The following MTUS1 variants were observed in gnomAD, a reference collection of about 807,000 sequenced individuals.
MTUS1 encodes microtubule associated scaffold protein 1.
Under a neutral mutation model 120.8 loss-of-function variants are expected in MTUS1, and 109 were observed. The observed-to-expected ratio is 0.90, with a 90% CI of 0.77 to 1.06. The LOEUF (loss-of-function observed/expected upper bound fraction) is 1.06. Among genes scored for constraint, MTUS1 ranks in the 50% least tolerant of loss-of-function variants. The probability of loss-of-function intolerance (pLI) is 0.00; values close to 1 mark genes in which losing one functional copy is unlikely to be tolerated. For missense variants in MTUS1, 2,210 were observed against 1,486.3 expected (o/e 1.49, Z -8.01); for synonymous variants, 737 against 550.5 (o/e 1.34, Z -4.74).
At chr8:17,675,359 G>T in intron 7 of MTUS1, 107 bp from the exon 8 acceptor site, 1 of 865,238 alleles carries the variant, frequency 1.2e-6, no homozygotes. Flanking sequence ...GGGAAGCCAA[G>T]ATATGAATCA....
intron 1 of MTUS1, 101 bp from the exon 2 acceptor site, chr8:17,756,062 T>A: frequency 1.7e-6 from 1 of 586,568 alleles, no homozygotes; most frequent in Non-Finnish European, 2.6e-6. Context: ...CACTTTATGT[T>A]CACATTTAGA....
intron 14 of MTUS1, 27 bp downstream of exon 14, chr8:17,646,955 G>C (rs1805927841): frequency 6.4e-7 from 1 of 1,569,862 alleles, no homozygotes; most frequent in Admixed American, 1.7e-5. Flanking sequence ...GGGGAGCTCG[G>C]GAGAAACAGC....
intron 8 of MTUS1, among the ~76,000 whole-genome samples, chr8:17,664,813 T>C (rs1810545535): frequency 6.6e-6 from 1 of 152,186 alleles, no homozygotes; most frequent in South Asian, 2.1e-4. Context: ...AGCCAAGGTC[T>C]GATCTGGTTT....
intron 1 of MTUS1, among the ~76,000 whole-genome samples, chr8:17,777,012 C>T (rs1177991384): frequency 6.6e-6 from 1 of 152,124 alleles, no homozygotes; most frequent in Admixed American, 6.6e-5. Context: ...CACAACAACC[C>T]CCTTTCTCTG....
chr8:17,666,161 A>G (rs1469369671), intron 8 of MTUS1, among the ~76,000 whole-genome samples: 1 of 150,800 alleles, frequency 6.6e-6, no homozygotes, highest in African/African-American at 2.4e-5. Context: ...ACATTTAGGA[A>G]TAAAAGTGGG....
Position 17,743,729 on chromosome 8 carries a change from T to C in MTUS1, c.2162A>G (p.Gln721Arg). The change falls in exon 3 of 15, where the codon CAA becomes CGA. Residue 721 changes from glutamine (Q) to arginine (R), a missense_variant. Coordinates refer to ENST00000693296, the MANE Select transcript of MTUS1 (RefSeq NM_001363059.2). ...CACTTTGGCTTTTGGAGCAGCTATT[T>C]GCCTCAAACCGCAGGAGTCAGGCTT... is the stretch of plus-strand genomic sequence containing the variant. ...ISKPDSCGLRQIAAPKAKVGP... is the reference protein window; with the variant it reads ...ISKPDSCGLRRIAAPKAKVGP... 1.2e-6 allele frequency: 2 copies of C among 1,614,246 alleles called. No individual in the cohort carries two copies. Among genetic ancestry groups the C allele is most frequent in the African/African-American group, 1.3e-5 (1 of 75,064 alleles).
chr8:17,681,661 T>A (rs535562404), intron 7 of MTUS1: 1 of 154,906 alleles, frequency 6.5e-6, no homozygotes, highest in South Asian at 2.0e-4. Flanking sequence ...TAGTATTCAA[T>A]AAATCCCTCT....
intron 3 of MTUS1, among the ~76,000 whole-genome samples, chr8:17,730,692 A>C (rs2046513774): frequency 6.6e-6 from 1 of 152,180 alleles, no homozygotes; most frequent in African/African-American, 2.4e-5. Flanking sequence ...ACATGGATGA[A>C]CCTTGAGGAC....
At chr8:17,765,394 C>T (rs2049398630) in intron 1 of MTUS1, among the ~76,000 whole-genome samples, 2 of 151,946 alleles carry the variant, frequency 1.3e-5, no homozygotes, top group African/African-American at 4.8e-5. Context: ...TTTGGGAGGC[C>T]GAGGCAGGCA....
chr8:17,684,180 G>T lies in MTUS1; in HGVS notation c.2838+148C>A, dbSNP rs962993614. ...TGCTAGAGACCGACTCAAGTATCTG[G>T]TGAAGTGACAAAAATGTAATGGGAT... On this transcript the variant is annotated intron_variant, in intron 7 of 14. Coordinates refer to ENST00000693296, the MANE Select transcript of MTUS1 (RefSeq NM_001363059.2). The T allele has an allele frequency of 6.3e-6, 4 of 636,298 alleles. No homozygotes were observed. In the East Asian group the frequency reaches 1.1e-4, roughly 17 times the overall value. 39.4% of individuals were successfully genotyped at this position (636,298 alleles called of 1,614,324 possible).
rs201959113 is a variant in MTUS1, at chr8:17,753,933, G to A, written c.1875C>T (p.Cys625=). 55 of 1,614,114 alleles carry A rather than the reference G, an allele frequency of 3.4e-5. No homozygotes were observed. The highest frequency in any genetic ancestry group is 4.2e-5 in the Non-Finnish European group (50 of 1,180,006). Residue 625 remains cysteine, a synonymous_variant, in exon 2 of 15, where the codon TGC becomes TGT. Coordinates refer to ENST00000693296, the MANE Select transcript of MTUS1 (RefSeq NM_001363059.2). ...ACAACGCAGAAACGGACCCGGTCTC[G>A]CATGCTGAGTTAGAAGAACTGGCTT... ...VDKASSSNSA[C]ETGSVSALFQ... is the part of the protein sequence containing the mutation.
rs147718382 is a variant in MTUS1, at chr8:17,711,471, T to C, written c.2623+1743A>G. Among the ~76,000 whole-genome samples the C allele has an allele frequency of 9.1e-3, 1,388 of 152,016 alleles. 19 individuals carry two copies. Among genetic ancestry groups the C allele is most frequent in the African/African-American group, 0.031 (1,285 of 41,472 alleles). ...CTTCCAGCTTTTTTTTTTCTGCAGC[T>C]CCCTCACCTCTCTCAGCCTTCATAC... On this transcript the variant is annotated intron_variant, in intron 6 of 14. Transcript: ENST00000693296.
intron 10 of MTUS1, 51 bp from the exon 11 acceptor site, chr8:17,653,549 T>A: frequency 7.5e-7 from 1 of 1,338,202 alleles, no homozygotes; most frequent in Non-Finnish European, 1.1e-6. Context: ...ATGAGATCAA[T>A]GTACTCTAAA....
intron 6 of MTUS1, among the ~76,000 whole-genome samples, chr8:17,705,483 C>G (rs948455649): frequency 6.6e-6 from 1 of 152,174 alleles, no homozygotes; most frequent in Non-Finnish European, 1.5e-5. Flanking sequence ...TAGTCACTGT[C>G]TCAAGAAGAT....
intron 1 of MTUS1, among the ~76,000 whole-genome samples, chr8:17,797,031 G>A (rs1354078117): frequency 6.6e-6 from 1 of 152,012 alleles, no homozygotes; most frequent in Non-Finnish European, 1.5e-5. Context: ...AGAATCACTT[G>A]AACCTGAGAG....
At chr8:17,723,548 G>C (rs777508420) in intron 4 of MTUS1, 124 bp downstream of exon 4, 9 of 972,870 alleles carry the variant, frequency 9.3e-6, no homozygotes, top group Non-Finnish European at 1.5e-5. Flanking sequence ...GCAACTCCAA[G>C]GAAGCAGTAT....
At position 17,650,014 on chromosome 8, in the gene MTUS1, T is replaced by C. The variant is rs374498836; in HGVS notation, c.3385-52A>G. ...TCTTATTCCACATAGTTCAAATTCT[T>C]AACAGAAAGAATCTTTGATTAGATT... On this transcript the variant is annotated intron_variant, in intron 12 of 14. Transcript: ENST00000693296. 2.7e-4 allele frequency: 256 copies of C among 942,036 alleles called. 7 individuals are homozygous for C. The Middle Eastern group carries it at 0.012, about 43-fold the overall frequency. 58.4% of individuals were successfully genotyped at this position (942,036 alleles called of 1,614,324 possible). A position where few individuals can be genotyped will look rare whatever the true frequency, so the allele number is the denominator to read the frequency against.
chr8:17,794,197 G>A (rs946335651), intron 1 of MTUS1, among the ~76,000 whole-genome samples: 1 of 152,018 alleles, frequency 6.6e-6, no homozygotes, highest in Admixed American at 6.6e-5. Context: ...GCGTGGTGGT[G>A]CATGCCTGTA....
intron 1 of MTUS1, among the ~76,000 whole-genome samples, chr8:17,768,881 C>A (rs1465723707): frequency 6.6e-6 from 1 of 152,040 alleles, no homozygotes; most frequent in Non-Finnish European, 1.5e-5. Context: ...AAAGATTAAA[C>A]AATTAATGGT....
Sources: gnomAD v4.1 joint callset for allele counts (sites outside exome capture counted in the v4.1 genomes callset) on GRCh38, gnomAD v4.1.1 for gene constraint, MANE v1.5 for transcripts, NCBI Gene and HGNC (gene_info 2026-07-23, HGNC 2026-07-21) for gene names.